Variants in RBFOX1 observed in about 807,000 individuals in gnomAD.
The protein encoded by RBFOX1 is RNA binding fox-1 homolog 1.
In RBFOX1, 8 loss-of-function variants were observed where a neutral mutation model predicts 57.7. The observed-to-expected ratio is 0.14, with a 90% CI of 0.08 to 0.25. The LOEUF is 0.25. RBFOX1 is among the 10% of genes least tolerant of loss of function. The pLI, the probability that RBFOX1 is intolerant of heterozygous loss-of-function variation, is 1.00. For missense variants in RBFOX1, 611 were observed against 548.5 expected, an observed-to-expected ratio of 1.11 and a Z score of -1.14; for synonymous variants, 326 against 222.4, an observed-to-expected ratio of 1.47 and a Z score of -4.15.
rs559659661 is a variant in RBFOX1, at chr16:6,714,013, G to A, written c.-16+59363G>A. On this transcript the variant is annotated intron_variant, in intron 3 of 15. Transcript: ENST00000550418. ...ACCCACGTAAATCTCATCTTGAATTGTAATACCCATGTGTGGAGGAAGAGA... is the reference window on the plus strand; with the variant it reads ...ACCCACGTAAATCTCATCTTGAATTATAATACCCATGTGTGGAGGAAGAGA... Among the ~76,000 whole-genome samples, 5 of 152,224 alleles carry A rather than the reference G, an allele frequency of 3.3e-5. No homozygotes were observed. In the East Asian group the frequency reaches 5.8e-4, roughly 18 times the overall value.
intron 2 of RBFOX1, among the ~76,000 whole-genome samples, chr16:6,618,188 C>A (rs920562664): frequency 6.6e-6 from 1 of 152,176 alleles, no homozygotes; most frequent in Non-Finnish European, 1.5e-5. Context: ...CTCCAGTTCA[C>A]CTCCCAGCAC....
rs1555488600 is a variant in RBFOX1, at chr16:6,806,836, A to ATT, written c.-16+152200_-16+152201dup. On this transcript the variant is annotated intron_variant, in intron 3 of 15. Coordinates refer to ENST00000550418, the MANE Select transcript of RBFOX1 (RefSeq NM_018723.4). ...TATATAAATATATATATATATATAT[A>ATT]TTTTTTTTTTTTTTTGAGAGAAAGT... Among the ~76,000 whole-genome samples, 89 of 91,848 alleles carry ATT rather than the reference A, an allele frequency of 9.7e-4. 4 individuals are homozygous for ATT. Among genetic ancestry groups the ATT allele is most frequent in the South Asian group, 6.7e-3 (17 of 2,528 alleles). The allele number at this position is 91,848 out of a possible 152,430, so 60.3% of individuals were successfully genotyped here.
intron 3 of RBFOX1, among the ~76,000 whole-genome samples, chr16:7,007,701 C>T (rs2093381744): frequency 6.6e-6 from 1 of 152,142 alleles, no homozygotes; most frequent in African/African-American, 2.4e-5. Flanking sequence ...ACTTTTGCTG[C>T]TAATTTCTTG....
At chr16:6,054,171 C>T (rs1010990437) in intron 1 of RBFOX1, among the ~76,000 whole-genome samples, 4 of 152,018 alleles carry the variant, frequency 2.6e-5, no homozygotes, top group Non-Finnish European at 5.9e-5. Flanking sequence ...AGTATCTTTC[C>T]TAATAGGGTA....
intron 1 of RBFOX1, among the ~76,000 whole-genome samples, chr16:6,020,856 C>G (rs4485373): frequency 6.6e-6 from 1 of 152,180 alleles, no homozygotes; most frequent in South Asian, 2.1e-4. Flanking sequence ...CCAGGTGTCA[C>G]GCGGAGCCCG....
intron 4 of RBFOX1, among the ~76,000 whole-genome samples, chr16:7,187,688 CACAAAAAAAAAAAAAAAAAAAA>C (rs2084252376): frequency 2.3e-5 from 1 of 43,218 alleles, no homozygotes; most frequent in East Asian, 9.2e-4. Flanking sequence ...GACTCTGTCT[CACAAAAAAAAAAAAAAAAAAAA>C]AAAAAAAAAA....
chr16:7,015,470 A>G (rs1215606326), intron 3 of RBFOX1, among the ~76,000 whole-genome samples: 1 of 152,198 alleles, frequency 6.6e-6, no homozygotes, highest in African/African-American at 2.4e-5. Context: ...AGTTTTGCTC[A>G]TCAGTGTTCA....
chr16:7,016,465 C>T (rs766438140), intron 3 of RBFOX1, among the ~76,000 whole-genome samples: 2 of 152,104 alleles, frequency 1.3e-5, no homozygotes, highest in Non-Finnish European at 2.9e-5. Flanking sequence ...TGTTTCGGGA[C>T]GTAACCTAAG....
intron 5 of RBFOX1, among the ~76,000 whole-genome samples, chr16:7,524,682 G>T (rs897656417): frequency 1.3e-5 from 2 of 152,220 alleles, no homozygotes; most frequent in African/African-American, 4.8e-5. Flanking sequence ...TCTACTGACA[G>T]GGAAAAGAAC....
intron 1 of RBFOX1, among the ~76,000 whole-genome samples, chr16:5,359,583 A>T (rs930994284): frequency 6.6e-6 from 1 of 152,186 alleles, no homozygotes; most frequent in Non-Finnish European, 1.5e-5. Flanking sequence ...GCATCTTTTC[A>T]TATGCCTGTT....
chr16:5,735,831 G>T (rs537465663), intron 3 of RBFOX1, among the ~76,000 whole-genome samples: 4 of 151,988 alleles, frequency 2.6e-5, no homozygotes, highest in African/African-American at 9.7e-5. Context: ...AGCCAAGATG[G>T]CACCACTGCA....
chr16:6,969,849 A>G (rs1415632556), intron 3 of RBFOX1, among the ~76,000 whole-genome samples: 6 of 152,178 alleles, frequency 3.9e-5, no homozygotes, highest in East Asian at 1.9e-4. Context: ...AGTGTCAGCC[A>G]TGTGTGAACC....
chr16:7,190,641 A>C (rs140647041), intron 4 of RBFOX1, among the ~76,000 whole-genome samples: 43 of 152,272 alleles, frequency 2.8e-4, no homozygotes, highest in Admixed American at 5.2e-4. Flanking sequence ...TGCTACTCAG[A>C]AACCAGTACC....
chr16:5,491,450 C>G (rs896109108), intron 2 of RBFOX1, among the ~76,000 whole-genome samples: 1 of 152,180 alleles, frequency 6.6e-6, no homozygotes, highest in African/African-American at 2.4e-5. Context: ...CATATATTCA[C>G]CAAGTGTCAT....
At chr16:7,257,233 A>G (rs1359182302) in intron 4 of RBFOX1, among the ~76,000 whole-genome samples, 1 of 152,102 alleles carries the variant, frequency 6.6e-6, no homozygotes, top group Non-Finnish European at 1.5e-5. Context: ...TCATGCTGTA[A>G]TCCCCAGCTG....
chr16:7,264,242 G>C lies in RBFOX1; in HGVS notation c.27+212144G>C, dbSNP rs142024906. On this transcript the variant is annotated intron_variant, in intron 4 of 15. Coordinates refer to ENST00000550418, the MANE Select transcript of RBFOX1 (RefSeq NM_018723.4). ...GACAAGGTAAATATGAAGGAAAAAG[G>C]GAGTGAACTGGACAGAAGAAAAAAC... Among the ~76,000 whole-genome samples the C allele has an allele frequency of 6.9e-3, 1,046 of 152,248 alleles. 12 individuals are homozygous for C. Among genetic ancestry groups the C allele is most frequent in the African/African-American group, 0.023 (969 of 41,530 alleles).
rs140149737 is a variant in RBFOX1 at position 6,624,038 on chromosome 16, A to C, written c.-63-30565A>C. On this transcript the variant is annotated intron_variant, in intron 2 of 15. Transcript: ENST00000550418. ...GCCACACTGACTTCCACAATGGTTGAACTAGTTTACAGTCCCTGTTAGGTG... is the reference window on the plus strand; with the variant it reads ...GCCACACTGACTTCCACAATGGTTGCACTAGTTTACAGTCCCTGTTAGGTG... Among the ~76,000 whole-genome samples, 1,201 of 152,272 alleles carry C rather than the reference A, an allele frequency of 7.9e-3. 13 individuals are homozygous for C. The highest frequency in any genetic ancestry group is 0.026 in the African/African-American group (1,099 of 41,540).
intron 4 of RBFOX1, among the ~76,000 whole-genome samples, chr16:7,189,218 G>A (rs963776665): frequency 2.6e-5 from 4 of 151,862 alleles, no homozygotes; most frequent in Non-Finnish European, 4.4e-5. Flanking sequence ...GAGGTCAGGC[G>A]ATCGAGACCA....
At chr16:7,109,849 T>C (rs150946620) in intron 4 of RBFOX1, among the ~76,000 whole-genome samples, 1 of 152,218 alleles carries the variant, frequency 6.6e-6, no homozygotes, top group East Asian at 1.9e-4. Flanking sequence ...TGAGGTGAGG[T>C]GCTAGGACCA....
Sources: allele counts gnomAD v4.1 joint callset (sites outside exome capture counted in the v4.1 genomes callset), GRCh38; gene constraint gnomAD v4.1.1; transcripts MANE v1.5; gene names NCBI Gene and HGNC (gene_info 2026-07-23, HGNC 2026-07-21).